Variants in ZNF366 observed in about 807,000 individuals in gnomAD.
ZNF366 encodes the protein zinc finger protein 366.
A neutral mutation model predicts 47.2 loss-of-function variants in ZNF366; 20 were observed. That is an observed-to-expected ratio of 0.42 (90% confidence interval 0.30 to 0.62). The LOEUF is 0.62. Among genes scored for constraint, ZNF366 ranks in the 20% least tolerant of loss-of-function variants. The pLI, the probability that ZNF366 is intolerant of heterozygous loss-of-function variation, is 0.16. For missense variants in ZNF366, 987 were observed against 976.3 expected, an observed-to-expected ratio of 1.01 and a Z score of -0.15; for synonymous variants, 421 against 395.1, an observed-to-expected ratio of 1.07 and a Z score of -0.78.
In ZNF366 at chr5:72,441,671, G is replaced by A. The variant is rs1216807652; in HGVS notation, c.*2085C>T. On this transcript the variant is annotated 3_prime_UTR_variant, in exon 5 of 5. Coordinates refer to ENST00000318442, the MANE Select transcript of ZNF366 (RefSeq NM_152625.3). ...CATGGGTGAGTGATGACAACCAGGT[G>A]GGGCTAATGGGGCAGCACCTTGGCC... is the stretch of plus-strand genomic sequence containing the variant. 1 of 152,224 alleles carries A rather than the reference G, an allele frequency of 6.6e-6. No homozygotes were observed. Among genetic ancestry groups the A allele is most frequent in the Non-Finnish European group, 1.5e-5 (1 of 68,066 alleles). The allele number at this position is 152,224 out of a possible 1,614,324, so 9.4% of individuals were successfully genotyped here. A position where few individuals can be genotyped will look rare whatever the true frequency, so the allele number is the denominator to read the frequency against.
intron 2 of ZNF366, among the ~76,000 whole-genome samples, chr5:72,458,467 T>C (rs1019841657): frequency 2.0e-5 from 3 of 152,182 alleles, no homozygotes; most frequent in Non-Finnish European, 4.4e-5. Flanking sequence ...TGGCCTAGAA[T>C]GCAAATGAGC....
Position 72,444,270 on chromosome 5 carries a change from G to A in ZNF366, c.1721C>T (p.Ala574Val), listed in dbSNP as rs1226442004. The A allele has an allele frequency of 1.9e-6, 3 of 1,611,890 alleles. No homozygotes were observed. Among genetic ancestry groups the A allele is most frequent in the Non-Finnish European group, 2.5e-6 (3 of 1,179,092 alleles). The part of the protein sequence containing the change: ...HSQGLGRGRI[A>V]LAQTAGVLRS... ...CAGGACACCGGCTGTCTGTGCCAGG[G>A]CGATTCTCCCCCTTCCCAGACCTGC... The change falls in exon 5 of 5, where the codon GCC becomes GTC. Residue 574 changes from alanine (A) to valine (V), a missense_variant. By Grantham distance (64) the Ala-to-Val change is moderately conservative. Around this residue, in one of 3 missense-constraint regions of ZNF366, gnomAD observed 285 missense variants for 234.8 expected, o/e 1.21. Coordinates refer to ENST00000318442, the MANE Select transcript of ZNF366 (RefSeq NM_152625.3).
intron 3 of ZNF366, among the ~76,000 whole-genome samples, chr5:72,449,808 G>C (rs977641996): frequency 6.6e-6 from 1 of 152,180 alleles, no homozygotes; most frequent in African/African-American, 2.4e-5. Flanking sequence ...CATCTGCTGA[G>C]TGAGGAAAGG....
intron 1 of ZNF366, among the ~76,000 whole-genome samples, chr5:72,474,652 GCA>G (rs60932161): frequency 0.016 from 2,387 of 146,204 alleles, 42 homozygotes; most frequent in African/African-American, 0.052. Context: ...GTACACCCAT[GCA>G]CACACACACA....
intron 1 of ZNF366, among the ~76,000 whole-genome samples, chr5:72,484,206 C>T (rs11952819): frequency 0.22 from 33,796 of 151,936 alleles, 4,224 homozygotes; most frequent in South Asian, 0.28. Flanking sequence ...CATTAATCGC[C>T]GGGCGCGGTG....
intron 1 of ZNF366, among the ~76,000 whole-genome samples, chr5:72,471,851 A>T (rs1743571717): frequency 6.7e-6 from 1 of 150,114 alleles, no homozygotes; most frequent in East Asian, 1.9e-4. Context: ...CCAAGGTCTT[A>T]AAAAAAATTT....
Position 72,461,247 on chromosome 5 carries a change from T to A in ZNF366, c.250A>T (p.Thr84Ser). 6.2e-7 allele frequency: 1 copy of A among 1,614,122 alleles called. No individual in the cohort carries two copies. The highest frequency in any genetic ancestry group is 8.5e-7 in the Non-Finnish European group (1 of 1,180,020). ...AGSRKRKSMPTKMPYNHPAEE... is the reference protein window; with the variant it reads ...AGSRKRKSMPSKMPYNHPAEE... ...GCAGGGTGGTTATAGGGCATCTTTG[T>A]GGGCATGCTCTTCCGTTTCCTAGAC... The change falls in exon 2 of 5, where the codon ACA (threonine) becomes TCA (serine). Residue 84 changes from threonine (T) to serine (S), a missense_variant. Physicochemically the swap from Thr to Ser is moderately conservative, Grantham distance 58. This residue lies in a region of ZNF366 where 591 missense variants were observed against 560.9 expected (regional missense o/e 1.05). Coordinates refer to ENST00000318442, the MANE Select transcript of ZNF366 (RefSeq NM_152625.3).
intron 1 of ZNF366, among the ~76,000 whole-genome samples, chr5:72,490,633 T>C (rs2112351078): frequency 6.6e-6 from 1 of 152,304 alleles, no homozygotes; most frequent in South Asian, 2.1e-4. Flanking sequence ...GCCTTCTCAA[T>C]GGGGGCAATG....
intron 1 of ZNF366, among the ~76,000 whole-genome samples, chr5:72,463,894 G>A (rs1200068050): frequency 2.6e-5 from 4 of 152,142 alleles, no homozygotes; most frequent in Admixed American, 1.3e-4. Context: ...AAGACTAAAC[G>A]TGTCCTGCTG....
At chr5:72,460,104 T>C (rs1743268795) in intron 2 of ZNF366, 61 bp downstream of exon 2, 1 of 1,566,120 alleles carries the variant, frequency 6.4e-7, no homozygotes, top group South Asian at 1.2e-5. Flanking sequence ...CCCAGTGCTC[T>C]GCTCAGGGCC....
At chr5:72,459,433 C>G (rs938385166) in intron 2 of ZNF366, among the ~76,000 whole-genome samples, 2 of 152,156 alleles carry the variant, frequency 1.3e-5, no homozygotes, top group Non-Finnish European at 2.9e-5. Context: ...TTTAGTTCAG[C>G]CTGAATGACT....
intron 1 of ZNF366, among the ~76,000 whole-genome samples, chr5:72,462,507 T>TTTTA (rs1743336162): frequency 1.2e-5 from 1 of 82,482 alleles, no homozygotes; most frequent in Non-Finnish European, 2.2e-5. Flanking sequence ...TCCTTGCCAG[T>TTTTA]TTTCTTTCTT....
At chr5:72,489,467 T>C (rs1030324802) in intron 1 of ZNF366, among the ~76,000 whole-genome samples, 30 of 152,174 alleles carry the variant, frequency 2.0e-4, no homozygotes, top group Non-Finnish European at 3.7e-4. Flanking sequence ...TCCTGACTAA[T>C]ATATTTCTTC....
chr5:72,449,653 C>T (rs962035028), intron 3 of ZNF366, among the ~76,000 whole-genome samples: 2 of 152,244 alleles, frequency 1.3e-5, no homozygotes, highest in Admixed American at 6.5e-5. Flanking sequence ...TGGAGTGAAG[C>T]TGCTGTTACA....
intron 3 of ZNF366, among the ~76,000 whole-genome samples, chr5:72,452,997 C>A (rs1053920472): frequency 1.1e-4 from 16 of 151,976 alleles, no homozygotes; most frequent in African/African-American, 3.6e-4. Flanking sequence ...GCAAAAGAGC[C>A]GAGAAGGGCA....
intron 4 of ZNF366, 81 bp downstream of exon 4, chr5:72,447,162 G>A: frequency 6.6e-7 from 1 of 1,506,218 alleles, no homozygotes; most frequent in Non-Finnish European, 9.1e-7. Context: ...TAACCCTCAA[G>A]GTAATGCCCC....
At chr5:72,487,884 T>A (rs145434439) in intron 1 of ZNF366, among the ~76,000 whole-genome samples, 92 of 152,188 alleles carry the variant, frequency 6.0e-4, no homozygotes, top group African/African-American at 2.1e-3. Flanking sequence ...TTCTCCCCCA[T>A]TAGAAATAGG....
Position 72,456,725 on chromosome 5 carries a change from T to C in ZNF366, c.1333-130A>G, listed in dbSNP as rs2112324270. 3.4e-6 allele frequency: 3 copies of C among 874,786 alleles called. No homozygotes were observed. The East Asian group carries it at 7.8e-5, about 23-fold the overall frequency. The allele number at this position is 874,786 out of a possible 1,614,324, so 54.2% of individuals were successfully genotyped here. On this transcript the variant is annotated intron_variant, in intron 2 of 4. Transcript: ENST00000318442. The stretch of plus-strand genomic sequence containing the variant: ...TTGGTGATAGATGTTGAGTTTCAAA[T>C]GGTGTAGCTTCAGCCTTGTTAAATT...
chr5:72,498,770 T>C (rs1279008235), intron 1 of ZNF366, among the ~76,000 whole-genome samples: 1 of 152,222 alleles, frequency 6.6e-6, no homozygotes, highest in Non-Finnish European at 1.5e-5. Context: ...TGTGTGTATG[T>C]ATACACAAGT....
Sources: allele counts gnomAD v4.1 joint callset (sites outside exome capture counted in the v4.1 genomes callset), GRCh38; gene constraint gnomAD v4.1.1; regional missense constraint gnomAD v4.1.1; transcripts MANE v1.5; gene names NCBI Gene and HGNC (gene_info 2026-07-23, HGNC 2026-07-21).